PCSK5: variants seen among roughly 807,000 people sequenced by gnomAD.
PCSK5 encodes prohormone convertase 5.
A neutral mutation model predicts 233.2 loss-of-function variants in PCSK5; 129 were observed. The ratio of observed to expected loss-of-function variants is 0.55; its 90% CI spans 0.48 to 0.64. The LOEUF (loss-of-function observed/expected upper bound fraction) is 0.64. PCSK5 is among the 30% of genes least tolerant of loss of function. The pLI, the probability that PCSK5 is intolerant of heterozygous loss-of-function variation, is 0.00. For missense variants in PCSK5, 2,076 were observed against 2,430.1 expected, an observed-to-expected ratio of 0.85 and a Z score of 3.06; for synonymous variants, 825 against 879.2, an observed-to-expected ratio of 0.94 and a Z score of 1.09.
At chr9:75,897,271 G>T (rs1825844985) in intron 1 of PCSK5, among the ~76,000 whole-genome samples, 1 of 151,974 alleles carries the variant, frequency 6.6e-6, no homozygotes, top group Admixed American at 6.6e-5. Flanking sequence ...TGTCCCTGGG[G>T]ATATAATGGG....
chr9:75,998,533 T>C lies in PCSK5; in HGVS notation c.411+12288T>C, dbSNP rs768642826. On this transcript the variant is annotated intron_variant, in intron 3 of 37. Coordinates refer to ENST00000674117, the MANE Select transcript of PCSK5 (RefSeq NM_001372043.1). Reference sequence around the variant, plus strand: ...GTTTTCAAAAACTAGAAATATACTCTACTCAGATGGCTCTTTCTGTAATGG... The same window carrying C: ...GTTTTCAAAAACTAGAAATATACTCCACTCAGATGGCTCTTTCTGTAATGG... Among the ~76,000 whole-genome samples the C allele has an allele frequency of 3.9e-5, 6 of 152,218 alleles. No homozygotes were observed. The East Asian group carries it at 1.2e-3, about 29-fold the overall frequency.
chr9:75,970,270 G>A (rs543797477), intron 2 of PCSK5, among the ~76,000 whole-genome samples: 2 of 152,222 alleles, frequency 1.3e-5, no homozygotes, highest in East Asian at 1.9e-4. Context: ...AGAGCAGCTG[G>A]GTAACTAAGG....
chr9:76,012,313 G>T (rs1178104457), intron 3 of PCSK5, among the ~76,000 whole-genome samples: 1 of 152,124 alleles, frequency 6.6e-6, no homozygotes, highest in Non-Finnish European at 1.5e-5. Context: ...GTACACATCA[G>T]ATTGAAAATT....
chr9:76,003,753 C>T (rs1020148092), intron 3 of PCSK5, among the ~76,000 whole-genome samples: 1 of 152,206 alleles, frequency 6.6e-6, no homozygotes, highest in South Asian at 2.1e-4. Context: ...AGATCTATCC[C>T]TTTTGATTCC....
In PCSK5 at chr9:76,122,008, A is replaced by G. The variant is rs1832660529; in HGVS notation, c.1209-12101A>G. Among the ~76,000 whole-genome samples the G allele has an allele frequency of 3.9e-5, 3 of 77,510 alleles. 1 individual carries two copies. Among genetic ancestry groups the G allele is most frequent in the African/African-American group, 1.2e-4 (3 of 25,046 alleles). The allele number at this position is 77,510 out of a possible 152,430, so 50.8% of individuals were successfully genotyped here. On this transcript the variant is annotated intron_variant, in intron 9 of 37. Coordinates refer to ENST00000674117, the MANE Select transcript of PCSK5 (RefSeq NM_001372043.1). ...CCGGCTAATTTTTTGTATTTTTAGTAGAGACGGGGTTTCACCGTTTTAGCC... is the reference window on the plus strand; with the variant it reads ...CCGGCTAATTTTTTGTATTTTTAGTGGAGACGGGGTTTCACCGTTTTAGCC...
At chr9:76,276,482 T>C (rs760334647) in intron 24 of PCSK5, among the ~76,000 whole-genome samples, 33 of 152,206 alleles carry the variant, frequency 2.2e-4, no homozygotes, top group Non-Finnish European at 3.8e-4. Context: ...GTCCTGCCTA[T>C]GACCCTGGCA....
chr9:76,191,265 G>C (rs1281194577), intron 20 of PCSK5, among the ~76,000 whole-genome samples: 2 of 152,130 alleles, frequency 1.3e-5, no homozygotes, highest in Admixed American at 1.3e-4. Context: ...GCTGCCCTAG[G>C]TTTATTCTTT....
At chr9:76,140,476 G>C (rs1283513728) in intron 10 of PCSK5, among the ~76,000 whole-genome samples, 1 of 152,028 alleles carries the variant, frequency 6.6e-6, no homozygotes, top group African/African-American at 2.4e-5. Context: ...AGTCTTAAAA[G>C]TATATCTTCA....
chr9:76,225,922 G>A (rs1825875568), intron 20 of PCSK5, among the ~76,000 whole-genome samples: 2 of 152,218 alleles, frequency 1.3e-5, no homozygotes, highest in African/African-American at 2.4e-5. Context: ...CGGGTGGGTA[G>A]GCACCTTGTG....
intron 1 of PCSK5, among the ~76,000 whole-genome samples, chr9:75,924,864 C>G (rs1240670880): frequency 6.6e-6 from 1 of 152,118 alleles, no homozygotes; most frequent in African/African-American, 2.4e-5. Context: ...GGCTGCCCAC[C>G]ATCAACCTTA....
rs373133250 is a variant in PCSK5 at position 76,296,740 on chromosome 9, G to A, written c.3398G>A (p.Arg1133Gln). 33 of 1,612,188 alleles carry A rather than the reference G, an allele frequency of 2.0e-5. No homozygotes were observed. Among genetic ancestry groups the A allele is most frequent in the Non-Finnish European group, 2.5e-5 (29 of 1,179,470 alleles). Residue 1133 changes from arginine to glutamine, a missense_variant, in exon 27 of 38, where the codon CGA (arginine) becomes CAA (glutamine). Arg to Gln is a conservative substitution (Grantham distance 43, BLOSUM62 1). This residue lies in a region of PCSK5 where 1,510 missense variants were observed against 1,538.1 expected (regional missense o/e 0.98). Coordinates refer to ENST00000674117, the MANE Select transcript of PCSK5 (RefSeq NM_001372043.1). ...QEMGECESCH[R>Q]ACETCTGPGH... ...ATGGGAGAATGTGAGTCCTGCCACC[G>A]AGCATGCGAAACCTGCACAGGCCCT...
At chr9:76,302,821 C>T (rs1828653966) in intron 28 of PCSK5, among the ~76,000 whole-genome samples, 3 of 152,050 alleles carry the variant, frequency 2.0e-5, no homozygotes, top group Non-Finnish European at 2.9e-5. Flanking sequence ...ACAGTACATG[C>T]CTTTTCTCCA....
chr9:76,050,955 G>T (rs1468707599), intron 5 of PCSK5, among the ~76,000 whole-genome samples: 1 of 152,070 alleles, frequency 6.6e-6, no homozygotes, highest in Non-Finnish European at 1.5e-5. Context: ...GGTGGAGGGG[G>T]ATATGACAGT....
At chr9:76,194,755 G>A (rs540636387) in intron 20 of PCSK5, 1 of 467,014 alleles carries the variant, frequency 2.1e-6, no homozygotes, top group Non-Finnish European at 4.4e-6. Context: ...TCTGTTTAGG[G>A]GAGCCTAGAC....
intron 2 of PCSK5, among the ~76,000 whole-genome samples, chr9:75,967,506 G>A (rs541323736): frequency 1.3e-5 from 2 of 152,314 alleles, no homozygotes; most frequent in South Asian, 2.1e-4. Flanking sequence ...CCTGGAAGCA[G>A]CTATGATGTA....
intron 5 of PCSK5, among the ~76,000 whole-genome samples, chr9:76,043,356 A>AAG: frequency 6.6e-6 from 1 of 151,226 alleles, no homozygotes; most frequent in Non-Finnish European, 1.5e-5. Flanking sequence ...AAAAAAAAAA[A>AAG]AGTATTTTCG....
chr9:76,242,037 C>G (rs1826446575), intron 24 of PCSK5, among the ~76,000 whole-genome samples: 1 of 152,046 alleles, frequency 6.6e-6, no homozygotes, highest in South Asian at 2.1e-4. Flanking sequence ...TAAGATTGTG[C>G]CAGAATAAAG....
chr9:76,205,136 A>G (rs1825061400), intron 20 of PCSK5: 2 of 518,814 alleles, frequency 3.9e-6, no homozygotes, highest in Non-Finnish European at 7.7e-6. Flanking sequence ...TCTCATTGTC[A>G]GGTATTTTTT....
chr9:76,163,209 A>G (rs1054225232), intron 12 of PCSK5, among the ~76,000 whole-genome samples: 1 of 152,234 alleles, frequency 6.6e-6, no homozygotes, highest in African/African-American at 2.4e-5. Flanking sequence ...AGAATTGTTT[A>G]TCTCCTCACC....
Sources: allele counts gnomAD v4.1 joint callset (sites outside exome capture counted in the v4.1 genomes callset), GRCh38; gene constraint gnomAD v4.1.1; regional missense constraint gnomAD v4.1.1; transcripts MANE v1.5; gene names NCBI Gene and HGNC (gene_info 2026-07-23, HGNC 2026-07-21).